The following ABCB4 variants were observed in gnomAD, a reference collection of about 807,000 sequenced individuals.
ABCB4 encodes ATP binding cassette subfamily B member 4.
Under a neutral mutation model 145.7 loss-of-function variants are expected in ABCB4, and 76 were observed. The observed-to-expected ratio is 0.52, with a 90% CI of 0.43 to 0.63. The LOEUF is 0.63. ABCB4 is among the 30% of genes least tolerant of loss of function. The probability of loss-of-function intolerance (pLI) is 0.00; values close to 1 mark genes in which losing one functional copy is unlikely to be tolerated. For missense variants in ABCB4, 1,234 were observed against 1,553.1 expected (o/e 0.79, Z 3.45); for synonymous variants, 517 against 566.8 (o/e 0.91, Z 1.25).
chr7:87,389,754 C>T, the ABCB4 span, among the ~76,000 whole-genome samples: 1 of 152,080 alleles, frequency 6.6e-6, no homozygotes, highest in Non-Finnish European at 1.5e-5. Context: ...ACATGTATCC[C>T]AGAACTTTAA....
the ABCB4 span, among the ~76,000 whole-genome samples, chr7:87,381,614 C>A: frequency 6.6e-6 from 1 of 152,090 alleles, no homozygotes; most frequent in African/African-American, 2.4e-5. Flanking sequence ...GTAAAAATAG[C>A]AATTAATTTA....
chr7:87,428,840 T>C (rs1209449297), intron 15 of ABCB4, among the ~76,000 whole-genome samples: 1 of 152,158 alleles, frequency 6.6e-6, no homozygotes, highest in African/African-American at 2.4e-5. Context: ...AAATACGAAA[T>C]AGCTATCAGT....
chr7:87,392,402 G>T, the ABCB4 span, among the ~76,000 whole-genome samples: 1 of 152,116 alleles, frequency 6.6e-6, no homozygotes, highest in South Asian at 2.1e-4. Context: ...AAGACTAGGC[G>T]ATAGAATAAC....
chr7:87,452,719 G>C, intron 6 of ABCB4: 1 of 593,788 alleles, frequency 1.7e-6, no homozygotes, highest in South Asian at 2.0e-5. Context: ...ACAGGTATAA[G>C]ATGTGAATTC....
Position 87,453,107 on chromosome 7 carries a change from C to T in ABCB4, c.373G>A (p.Ala125Thr). The change falls in exon 6 of 28, where the codon GCT becomes ACT. Residue 125 changes from alanine to threonine, a missense_variant. Ala to Thr is a moderately conservative substitution (Grantham distance 58, BLOSUM62 0). Coordinates refer to ENST00000649586, the MANE Select transcript of ABCB4 (RefSeq NM_000443.4). ...RYAYYYSGLGAGVLVAAYIQV... is the reference protein window; with the variant it reads ...RYAYYYSGLGTGVLVAAYIQV... ...ATATAGGCAGCAACAAGAACTCCAG[C>T]ACCCAATCCTGAGTAGTAATATGCA... 6.2e-7 allele frequency: 1 copy of T among 1,614,070 alleles called. No homozygotes were observed. The highest frequency in any genetic ancestry group is 8.5e-7 in the Non-Finnish European group (1 of 1,180,004).
chr7:87,391,842 G>C, the ABCB4 span: 2 of 938,058 alleles, frequency 2.1e-6, no homozygotes, highest in Non-Finnish European at 1.6e-6. Context: ...CATCTTTTCT[G>C]AGGTTTTTAA....
At chr7:87,402,666 T>C (rs1348068932) in intron 27 of ABCB4, among the ~76,000 whole-genome samples, 2 of 152,210 alleles carry the variant, frequency 1.3e-5, no homozygotes, top group Admixed American at 1.3e-4. Flanking sequence ...AAATATATAA[T>C]CATTTTAGAA....
intron 10 of ABCB4, among the ~76,000 whole-genome samples, chr7:87,444,312 G>T (rs1440094794): frequency 6.6e-6 from 1 of 152,190 alleles, no homozygotes. Flanking sequence ...TAGATTAAAT[G>T]ATCAAATTTC....
At chr7:87,394,427 C>T in the ABCB4 span, among the ~76,000 whole-genome samples, 2 of 151,802 alleles carry the variant, frequency 1.3e-5, no homozygotes, top group Admixed American at 1.3e-4. Context: ...GCAAGTGCTC[C>T]CAAGAAGCAG....
Position 87,453,024 on chromosome 7 carries a change from C to T in ABCB4, c.456G>A (p.Lys152=), listed in dbSNP as rs147333055. The T allele has an allele frequency of 4.1e-4, 669 of 1,614,092 alleles. 5 individuals are homozygous for T. The African/African-American group carries it at 5.9e-3, about 14-fold the overall frequency. Residue 152 remains lysine (K), a synonymous_variant, in exon 6 of 28, where the codon AAG becomes AAA. Coordinates refer to ENST00000649586, the MANE Select transcript of ABCB4 (RefSeq NM_000443.4). ...CCTGTCGTAGAATAGCATGAAAAAACTTCTGCCTAATTTTCCTGATCTGTC... is the reference window on the plus strand; with the variant it reads ...CCTGTCGTAGAATAGCATGAAAAAATTTCTGCCTAATTTTCCTGATCTGTC... ...AGRQIRKIRQ[K]FFHAILRQEI...
At chr7:87,375,537 C>A in the ABCB4 span, 2 of 806,254 alleles carry the variant, frequency 2.5e-6, no homozygotes, top group South Asian at 1.8e-5. Context: ...TATATCCAAA[C>A]ATTTAAATAT....
chr7:87,415,403 TGAGTA>T (rs1808899538), intron 21 of ABCB4, among the ~76,000 whole-genome samples: 1 of 152,240 alleles, frequency 6.6e-6, no homozygotes, highest in Non-Finnish European at 1.5e-5. Flanking sequence ...AAGTGCTGAC[TGAGTA>T]AACAATATTA....
chr7:87,404,546 G>A (rs1053705846), intron 26 of ABCB4, among the ~76,000 whole-genome samples: 4 of 152,134 alleles, frequency 2.6e-5, no homozygotes, highest in Non-Finnish European at 4.4e-5. Flanking sequence ...CTTTTGCTCT[G>A]CAAAGACCTT....
At chr7:87,403,998 C>T (rs45518433) in intron 26 of ABCB4, among the ~76,000 whole-genome samples, 11 of 152,284 alleles carry the variant, frequency 7.2e-5, no homozygotes, top group Non-Finnish European at 1.3e-4. Flanking sequence ...TGAGTCAGTT[C>T]AGTTTGCAGG....
At chr7:87,366,933 A>G in the ABCB4 span, among the ~76,000 whole-genome samples, 1 of 152,178 alleles carries the variant, frequency 6.6e-6, no homozygotes, top group African/African-American at 2.4e-5. Context: ...TTTCACTTCC[A>G]GAGAAGACTG....
chr7:87,392,426 T>C, the ABCB4 span: 8 of 680,624 alleles, frequency 1.2e-5, no homozygotes, highest in East Asian at 2.5e-5. Flanking sequence ...TGGAAAGATA[T>C]AGGAGTATGT....
Position 87,470,695 on chromosome 7 carries a change from A to G in ABCB4, c.135+1926T>C, listed in dbSNP as rs552059708. Among the ~76,000 whole-genome samples the G allele has an allele frequency of 1.9e-4, 29 of 152,262 alleles. No individual in the cohort carries two copies. The South Asian group carries it at 5.8e-3, about 31-fold the overall frequency. ...ACCATCTCACACCAGTTAGAATGGC[A>G]ATCATTAAAAAGTCAGGAAACAACA... is the stretch of plus-strand genomic sequence containing the variant. On this transcript the variant is annotated intron_variant, in intron 3 of 27. Coordinates refer to ENST00000649586, the MANE Select transcript of ABCB4 (RefSeq NM_000443.4).
chr7:87,444,992 G>A lies in ABCB4; in HGVS notation c.1006-17C>T. 2 of 1,539,956 alleles carry A rather than the reference G, an allele frequency of 1.3e-6. No homozygotes were observed. The highest frequency in any genetic ancestry group is 1.7e-4 in the Middle Eastern group (1 of 5,930). On this transcript the variant is annotated splice_polypyrimidine_tract_variant and intron_variant, in intron 9 of 27. Transcript: ENST00000649586. ...AAAAAAAACCTGAGCAAAATAACAT[G>A]AGGAAAAGTTTAAGTCACATTCTGG...
At chr7:87,441,199 G>A (rs1383210073) in intron 12 of ABCB4, among the ~76,000 whole-genome samples, 3 of 152,118 alleles carry the variant, frequency 2.0e-5, no homozygotes, top group Non-Finnish European at 2.9e-5. Flanking sequence ...CATGTACAAT[G>A]ACTGGATTTG....
Sources: allele counts gnomAD v4.1 joint callset (sites outside exome capture counted in the v4.1 genomes callset), GRCh38; gene constraint gnomAD v4.1.1; transcripts MANE v1.5; gene names NCBI Gene and HGNC (gene_info 2026-07-23, HGNC 2026-07-21).